CLSTN2: variants seen among roughly 807,000 people sequenced by gnomAD.
CLSTN2 encodes the protein calsyntenin 2.
In CLSTN2, 48 loss-of-function variants were observed where a neutral mutation model predicts 101.2. That is an observed-to-expected ratio of 0.47 (90% CI 0.38 to 0.60). CLSTN2 has a LOEUF of 0.60. Ranked by LOEUF, CLSTN2 falls within the 20% of genes least tolerant of loss-of-function variation. The probability of loss-of-function intolerance (pLI) is 0.00; values close to 1 mark genes in which losing one functional copy is unlikely to be tolerated. For synonymous variants in CLSTN2, 481 were observed against 463.6 expected (o/e 1.04, Z -0.48); for missense variants, 1,160 against 1,238.2 (o/e 0.94, Z 0.95).
At chr3:140,465,342 G>A (rs547749743) in intron 7 of CLSTN2, among the ~76,000 whole-genome samples, 10 of 152,306 alleles carry the variant, frequency 6.6e-5, no homozygotes, top group African/African-American at 2.4e-4. Flanking sequence ...CTTCCAGCGG[G>A]AAGGAAAGTA....
chr3:140,027,721 T>A (rs949624521), intron 1 of CLSTN2, among the ~76,000 whole-genome samples: 2 of 152,162 alleles, frequency 1.3e-5, no homozygotes, highest in African/African-American at 4.8e-5. Context: ...CCCAGTGTCA[T>A]CCACAGTAAA....
chr3:139,973,069 C>T (rs979712363), intron 1 of CLSTN2, among the ~76,000 whole-genome samples: 2 of 152,174 alleles, frequency 1.3e-5, no homozygotes, highest in African/African-American at 2.4e-5. Context: ...GGAAACTGCT[C>T]CTTATTTGGT....
intron 1 of CLSTN2, among the ~76,000 whole-genome samples, chr3:139,957,845 T>G (rs1304285948): frequency 6.6e-6 from 1 of 152,260 alleles, no homozygotes; most frequent in East Asian, 1.9e-4. Context: ...AATCCCATGA[T>G]CTTGAGCTGG....
chr3:140,459,194 T>G (rs1933493416), intron 6 of CLSTN2, among the ~76,000 whole-genome samples: 1 of 152,212 alleles, frequency 6.6e-6, no homozygotes, highest in Non-Finnish European at 1.5e-5. Flanking sequence ...AATCAAATCC[T>G]GGCTTTCTCC....
intron 9 of CLSTN2, among the ~76,000 whole-genome samples, chr3:140,545,017 A>G (rs1935560152): frequency 6.6e-6 from 1 of 152,226 alleles, no homozygotes; most frequent in African/African-American, 2.4e-5. Context: ...ACCTTTCTAA[A>G]AATTATAAAT....
intron 15 of CLSTN2, among the ~76,000 whole-genome samples, chr3:140,563,569 G>T (rs1559906094): frequency 6.6e-6 from 1 of 152,114 alleles, no homozygotes; most frequent in Non-Finnish European, 1.5e-5. Flanking sequence ...TTGAGCACTT[G>T]CCATATTGTG....
At chr3:140,231,788 A>T (rs1400586702) in intron 2 of CLSTN2, among the ~76,000 whole-genome samples, 3 of 152,228 alleles carry the variant, frequency 2.0e-5, no homozygotes, top group African/African-American at 7.2e-5. Context: ...AATGCCTGGT[A>T]TATGATAATC....
At chr3:140,549,380 C>A (rs1935665169) in intron 10 of CLSTN2, among the ~76,000 whole-genome samples, 1 of 151,644 alleles carries the variant, frequency 6.6e-6, no homozygotes, top group East Asian at 2.0e-4. Flanking sequence ...GGAGGCTAAT[C>A]TGATTTTTCA....
At chr3:140,148,820 G>A (rs2107812888) in intron 1 of CLSTN2, among the ~76,000 whole-genome samples, 1 of 152,292 alleles carries the variant, frequency 6.6e-6, no homozygotes, top group East Asian at 1.9e-4. Flanking sequence ...GAGTCCCTGA[G>A]CAGGAAGCTG....
At chr3:140,218,979 G>A (rs960852589) in intron 2 of CLSTN2, among the ~76,000 whole-genome samples, 5 of 152,150 alleles carry the variant, frequency 3.3e-5, no homozygotes, top group Non-Finnish European at 7.3e-5. Flanking sequence ...ATTCATACAC[G>A]AGGTTGTTAT....
chr3:140,468,625 G>T (rs1352536281), intron 8 of CLSTN2, among the ~76,000 whole-genome samples: 1 of 152,176 alleles, frequency 6.6e-6, no homozygotes, highest in African/African-American at 2.4e-5. Context: ...GCCCTTCCTG[G>T]TGGCTAATGT....
intron 1 of CLSTN2, among the ~76,000 whole-genome samples, chr3:139,975,076 AC>A (rs1935792179): frequency 6.6e-6 from 1 of 152,064 alleles, no homozygotes; most frequent in Admixed American, 6.5e-5. Context: ...GGAGGCTGAG[AC>A]TCTGAGTGAG....
intron 2 of CLSTN2, among the ~76,000 whole-genome samples, chr3:140,271,535 G>A (rs934688880): frequency 6.6e-6 from 1 of 152,166 alleles, no homozygotes; most frequent in Non-Finnish European, 1.5e-5. Context: ...ATTTCTTATA[G>A]ATGGCACCTG....
intron 2 of CLSTN2, among the ~76,000 whole-genome samples, chr3:140,249,527 G>A (rs572260202): frequency 5.9e-4 from 90 of 152,254 alleles, no homozygotes; most frequent in African/African-American, 2.0e-3. Flanking sequence ...GCATAGCAGC[G>A]AATGGCTTCC....
chr3:140,065,857 G>C (rs1006945311), intron 1 of CLSTN2, among the ~76,000 whole-genome samples: 1 of 152,142 alleles, frequency 6.6e-6, no homozygotes, highest in Non-Finnish European at 1.5e-5. Flanking sequence ...GCCTCAATGG[G>C]CTACTTTTAT....
intron 1 of CLSTN2, among the ~76,000 whole-genome samples, chr3:140,066,024 C>T (rs1384937699): frequency 6.6e-6 from 1 of 152,190 alleles, no homozygotes; most frequent in Non-Finnish European, 1.5e-5. Flanking sequence ...ATATTATTAT[C>T]CCGTTCAACA....
At chr3:140,338,569 C>A (rs1173512405) in intron 2 of CLSTN2, among the ~76,000 whole-genome samples, 1 of 152,122 alleles carries the variant, frequency 6.6e-6, no homozygotes, top group East Asian at 1.9e-4. Flanking sequence ...TCCAGTCCCC[C>A]CCCGGCCTCA....
At chr3:140,169,898 C>G (rs904658343) in intron 1 of CLSTN2, among the ~76,000 whole-genome samples, 4 of 152,048 alleles carry the variant, frequency 2.6e-5, no homozygotes, top group African/African-American at 9.7e-5. Flanking sequence ...TGTTTGCATA[C>G]ATCATTTCAT....
Position 140,178,360 on chromosome 3 carries a change from A to T in CLSTN2, c.232+2287A>T, listed in dbSNP as rs543466119. Reference sequence around the variant, plus strand: ...GTTTCATCTGAAGACTCACAAAAGGATTTCCTTAAGTCAGAAACCCACCAA... The same window carrying T: ...GTTTCATCTGAAGACTCACAAAAGGTTTTCCTTAAGTCAGAAACCCACCAA... On this transcript the variant is annotated intron_variant, in intron 2 of 16. Transcript: ENST00000458420. Among the ~76,000 whole-genome samples the T allele has an allele frequency of 5.0e-4, 76 of 152,320 alleles. 1 individual carries two copies. The highest frequency in any genetic ancestry group is 2.1e-4 in the Non-Finnish European group (14 of 68,024).
Sources: gnomAD v4.1 joint callset for allele counts (sites outside exome capture counted in the v4.1 genomes callset) on GRCh38, gnomAD v4.1.1 for gene constraint, MANE v1.5 for transcripts, NCBI Gene and HGNC (gene_info 2026-07-23, HGNC 2026-07-21) for gene names.